Variants in LEMD2 observed in about 807,000 individuals in gnomAD.
LEMD2 encodes LEM domain nuclear envelope protein 2, also known as LEM domain-containing protein 2.
A neutral mutation model predicts 58.8 loss-of-function variants in LEMD2; 34 were observed. The observed-to-expected ratio is 0.58, with a 90% CI of 0.44 to 0.77. The LOEUF is 0.77. Ranked by LOEUF, LEMD2 falls within the 30% of genes least tolerant of loss-of-function variation. The pLI is 0.00. For synonymous variants in LEMD2, 298 were observed against 308.9 expected (o/e 0.96, Z 0.37); for missense variants, 629 against 717.9 (o/e 0.88, Z 1.42).
chr6:33,775,468 T>A (rs558715698), intron 8 of LEMD2, among the ~76,000 whole-genome samples: 1 of 152,122 alleles, frequency 6.6e-6, no homozygotes, highest in Non-Finnish European at 1.5e-5. Flanking sequence ...CAGGCATGTG[T>A]CACCATGCCC....
intron 4 of LEMD2, 58 bp downstream of exon 4, chr6:33,781,019 G>C: frequency 2.5e-6 from 3 of 1,190,060 alleles, no homozygotes; most frequent in Non-Finnish European, 3.7e-6. Flanking sequence ...GGGCTTGAAA[G>C]ACCAATAGGA....
intron 6 of LEMD2, among the ~76,000 whole-genome samples, chr6:33,777,519 A>G (rs1402522246): frequency 1.3e-5 from 2 of 152,148 alleles, no homozygotes; most frequent in Non-Finnish European, 2.9e-5. Context: ...TGGGGCTTTC[A>G]TCTCCTCCCT....
At position 33,778,290 on chromosome 6, in the gene LEMD2, T is replaced by C; in HGVS notation, c.1108A>G (p.Ser370Gly). 2 of 1,609,638 alleles carry C rather than the reference T, an allele frequency of 1.2e-6. No individual in the cohort carries two copies. Among genetic ancestry groups the C allele is most frequent in the Non-Finnish European group, 8.5e-7 (1 of 1,177,650 alleles). Residue 370 changes from serine to glycine, a missense_variant, in exon 6 of 9, where the codon AGC (serine) becomes GGC (glycine). Coordinates refer to ENST00000293760, the MANE Select transcript of LEMD2 (RefSeq NM_181336.4). The surrounding 1 kb of genome is among the most constrained non-coding windows in gnomAD (Gnocchi z 4.7). ...HPRMGVGCRL[S>G]RALLTAVTNV... ...GTGACAGCAGTGAGCAAGGCCCGGC[T>C]CAGGCGGCAGCCAACACCCATGCGG... is the stretch of plus-strand genomic sequence containing the variant.
chr6:33,784,251 G>A lies in LEMD2; in HGVS notation c.853+101C>T, dbSNP rs550313354. The A allele has an allele frequency of 1.3e-3, 1,211 of 910,786 alleles. 16 individuals carry two copies. The South Asian group carries it at 0.015, about 11-fold the overall frequency. 56.4% of individuals were successfully genotyped at this position (910,786 alleles called of 1,614,324 possible). ...ATGCCTTCTGAGAGACAACCAGGGAGTGTCTCGCTGGCCAGCAGCAGTGTA... is the reference window on the plus strand; with the variant it reads ...ATGCCTTCTGAGAGACAACCAGGGAATGTCTCGCTGGCCAGCAGCAGTGTA... On this transcript the variant is annotated intron_variant, in intron 3 of 8. Transcript: ENST00000293760.
Position 33,772,408 on chromosome 6 carries a change from G to T in LEMD2, c.*220C>A. The T allele has an allele frequency of 2.1e-6, 1 of 485,352 alleles. No homozygotes were observed. The highest frequency in any genetic ancestry group is 3.7e-6 in the Non-Finnish European group (1 of 273,384). 30.1% of individuals were successfully genotyped at this position (485,352 alleles called of 1,614,324 possible). ...GCCAGCACAACAGGGCAGAGTCTGG[G>T]CTATCACCCTGGCTTCTCCCCCTCC... On this transcript the variant is annotated 3_prime_UTR_variant, in exon 9 of 9. Transcript: ENST00000293760.
rs1254350039 is a variant in LEMD2, at chr6:33,788,465, T to C, written c.652A>G (p.Ser218Gly). The C allele has an allele frequency of 6.4e-7, 1 of 1,567,076 alleles. No homozygotes were observed. The highest frequency in any genetic ancestry group is 8.6e-7 in the Non-Finnish European group (1 of 1,157,602). The change falls in exon 1 of 9, where the codon AGC (serine) becomes GGC (glycine). Residue 218 changes from serine to glycine, a missense_variant. Ser to Gly is a moderately conservative substitution (Grantham distance 56). Around this residue, in one of 2 missense-constraint regions of LEMD2, gnomAD observed 386 missense variants for 381.1 expected, o/e 1.01. Coordinates refer to ENST00000293760, the MANE Select transcript of LEMD2 (RefSeq NM_181336.4). ...AGGAAGACGAGCAGTAGCCCTAGGCTGGCCCAGAGCAGAAGCCGAGAGAGC... is the reference window on the plus strand; with the variant it reads ...AGGAAGACGAGCAGTAGCCCTAGGCCGGCCCAGAGCAGAAGCCGAGAGAGC... ...RWLSRLLLWASLGLLLVFLGI... is the reference protein window; with the variant it reads ...RWLSRLLLWAGLGLLLVFLGI...
chr6:33,784,476 G>GT, intron 2 of LEMD2, 49 bp from the exon 3 acceptor site: 1 of 410,648 alleles, frequency 2.4e-6, no homozygotes, highest in Non-Finnish European at 5.0e-6. Context: ...GGGTGGGAGG[G>GT]GTCCGTCTGT....
chr6:33,788,629 C>A lies in LEMD2; in HGVS notation c.488G>T (p.Trp163Leu), dbSNP rs934171580. Residue 163 changes from tryptophan (W) to leucine (L), a missense_variant, in exon 1 of 9, where the codon TGG (tryptophan) becomes TTG (leucine). Coordinates refer to ENST00000293760, the MANE Select transcript of LEMD2 (RefSeq NM_181336.4). ...QGPGLAARRW[W>L]AASPAPARLP... Reference sequence around the variant, plus strand: ...CCGCGCCGGGGCGGGAGACGCTGCCCACCAGCGGCGGGCCGCGAGACCCGG... The same window carrying A: ...CCGCGCCGGGGCGGGAGACGCTGCCAACCAGCGGCGGGCCGCGAGACCCGG... The A allele has an allele frequency of 3.0e-5, 38 of 1,274,056 alleles. 1 individual carries two copies. The Admixed American group carries it at 7.2e-4, about 24-fold the overall frequency. The allele number at this position is 1,274,056 out of a possible 1,614,324, so 78.9% of individuals were successfully genotyped here. A position where few individuals can be genotyped will look rare whatever the true frequency, so the allele number is the denominator to read the frequency against.
At chr6:33,776,800 G>C (rs1191574073) in intron 8 of LEMD2, 154 bp downstream of exon 8, 43 of 655,000 alleles carry the variant, frequency 6.6e-5, no homozygotes, top group Non-Finnish European at 1.2e-4. Context: ...GCATGCTGGG[G>C]AGCAGCAGGA....
At chr6:33,773,135 G>A (rs1356849034) in intron 8 of LEMD2, among the ~76,000 whole-genome samples, 2 of 152,190 alleles carry the variant, frequency 1.3e-5, no homozygotes, top group Non-Finnish European at 2.9e-5. Context: ...CCCGCCAACT[G>A]CATCTTGATG....
At chr6:33,776,732 A>T (rs1767437897) in intron 8 of LEMD2, 1 of 578,280 alleles carries the variant, frequency 1.7e-6, no homozygotes, top group Admixed American at 2.9e-5. Flanking sequence ...CTCTCTACAG[A>T]GGTGTGGGAT....
At chr6:33,777,762 G>A (rs1200071828) in intron 6 of LEMD2, among the ~76,000 whole-genome samples, 3 of 152,204 alleles carry the variant, frequency 2.0e-5, no homozygotes, top group Non-Finnish European at 4.4e-5. Flanking sequence ...GGCGGCCCCC[G>A]ATGTCAGGGG....
At chr6:33,776,905 G>A in intron 8 of LEMD2, 49 bp downstream of exon 8, 1 of 1,470,614 alleles carries the variant, frequency 6.8e-7, no homozygotes, top group Non-Finnish European at 9.5e-7. Context: ...AGCTCAGTGG[G>A]GTCGGACCCC....
Position 33,788,729 on chromosome 6 carries a change from T to C in LEMD2, c.388A>G (p.Arg130Gly). 2 of 1,425,366 alleles carry C rather than the reference T, an allele frequency of 1.4e-6. No homozygotes were observed. The highest frequency in any genetic ancestry group is 1.4e-5 in the South Asian group (1 of 71,642). The allele number at this position is 1,425,366 out of a possible 1,614,324, so 88.3% of individuals were successfully genotyped here. Residue 130 changes from arginine to glycine, a missense_variant, in exon 1 of 9, where the codon AGG (arginine) becomes GGG (glycine). Physicochemically the swap from Arg to Gly is moderately radical, Grantham distance 125. This residue lies in a region of LEMD2 where 386 missense variants were observed against 381.1 expected (regional missense o/e 1.01). Transcript: ENST00000293760. ...CTGCCCCGGACCGAGGCGCGGCGCC[T>C]GAGTTGCGCCGGGCGGGCAGGATAG... ...LAYPARPAQLRRRASVRGSSE... is the reference protein window; with the variant it reads ...LAYPARPAQLGRRASVRGSSE...
intron 4 of LEMD2, 192 bp from the exon 5 acceptor site, chr6:33,780,371 A>G: frequency 1.6e-6 from 1 of 616,048 alleles, no homozygotes; most frequent in South Asian, 1.8e-5. Context: ...CTATAACCAG[A>G]GGAGGTGATG....
rs1458161919 is a variant in LEMD2 at position 33,784,568 on chromosome 6, T to C, written c.778-141A>G. On this transcript the variant is annotated intron_variant, in intron 2 of 8. Coordinates refer to ENST00000293760, the MANE Select transcript of LEMD2 (RefSeq NM_181336.4). ...ACTTTTACAAAATAGAAAAAAATTC[T>C]GCCAAGTGCTGGGCCTAGGGAGAGA... The C allele has an allele frequency of 4.7e-6, 3 of 634,466 alleles. No individual in the cohort carries two copies. In the Admixed American group the frequency reaches 7.3e-5, roughly 15 times the overall value. 39.3% of individuals were successfully genotyped at this position (634,466 alleles called of 1,614,324 possible).
chr6:33,774,943 G>T (rs912497184), intron 8 of LEMD2, among the ~76,000 whole-genome samples: 2 of 151,490 alleles, frequency 1.3e-5, no homozygotes, highest in Non-Finnish European at 2.9e-5. Context: ...GCATGTAGTA[G>T]GTGCTCAATA....
chr6:33,779,526 C>G (rs539307031), intron 5 of LEMD2: 1 of 152,284 alleles, frequency 6.6e-6, no homozygotes. Flanking sequence ...TCAAGGCTGC[C>G]TGGCTGTTGG....
Position 33,778,690 on chromosome 6 carries a change from C to T in LEMD2, c.1011-303G>A, listed in dbSNP as rs771629548. On this transcript the variant is annotated intron_variant, in intron 5 of 8. Transcript: ENST00000293760. This position sits in a 1 kb window ranked among gnomAD's most constrained non-coding sequence, Gnocchi z 4.7. The stretch of plus-strand genomic sequence containing the variant: ...GATTAAACTGTAAATTGGATTCCCA[C>T]CTCCCAGCATAGAGAAATGGAAATG... The T allele has an allele frequency of 1.5e-5, 4 of 272,008 alleles. No individual in the cohort carries two copies. Among genetic ancestry groups the T allele is most frequent in the Non-Finnish European group, 2.7e-5 (4 of 146,190 alleles). 16.8% of individuals were successfully genotyped at this position (272,008 alleles called of 1,614,324 possible). A position where few individuals can be genotyped will look rare whatever the true frequency, so the allele number is the denominator to read the frequency against.
Sources: allele counts gnomAD v4.1 joint callset (sites outside exome capture counted in the v4.1 genomes callset), GRCh38; gene constraint gnomAD v4.1.1; regional missense constraint gnomAD v4.1.1; non-coding constraint Gnocchi (gnomAD v3.1); transcripts MANE v1.5; gene names NCBI Gene and HGNC (gene_info 2026-07-23, HGNC 2026-07-21).